NOL4: variants seen among roughly 807,000 people sequenced by gnomAD.
NOL4 encodes cancer/testis antigen 125.
In NOL4, 17 loss-of-function variants were observed where a neutral mutation model predicts 75.9. The observed-to-expected ratio is 0.22, with a 90% CI of 0.15 to 0.34. The LOEUF is 0.34. NOL4 is among the 10% of genes least tolerant of loss of function. NOL4 has a pLI of 1.00. For missense variants in NOL4, 614 were observed against 793.5 expected (o/e 0.77, Z 2.72); for synonymous variants, 292 against 289.9 (o/e 1.01, Z -0.07).
chr18:34,078,753 G>A (rs1298957664), intron 5 of NOL4, among the ~76,000 whole-genome samples: 1 of 152,076 alleles, frequency 6.6e-6, no homozygotes, highest in African/African-American at 2.4e-5. Flanking sequence ...AATGCCTCGT[G>A]ATCACTTATA....
intron 5 of NOL4, among the ~76,000 whole-genome samples, chr18:34,069,688 C>T (rs185618570): frequency 1.9e-4 from 29 of 152,158 alleles, no homozygotes; most frequent in African/African-American, 6.7e-4. Flanking sequence ...AACCCACAAT[C>T]GCAGCAACCA....
chr18:33,864,926 C>G (rs1194010309), intron 10 of NOL4, among the ~76,000 whole-genome samples: 1 of 152,108 alleles, frequency 6.6e-6, no homozygotes, highest in Non-Finnish European at 1.5e-5. Flanking sequence ...CATCGGATCT[C>G]ATGAGAACTC....
At chr18:34,186,268 T>C (rs1432909111) in intron 1 of NOL4, among the ~76,000 whole-genome samples, 3 of 152,090 alleles carry the variant, frequency 2.0e-5, no homozygotes, top group Non-Finnish European at 2.9e-5. Context: ...CTGTCCAAAA[T>C]AAGAAAGCAC....
Position 34,002,575 on chromosome 18 carries a change from C to T in NOL4, c.1056+16743G>A, listed in dbSNP as rs1463740238. On this transcript the variant is annotated intron_variant, in intron 6 of 10. Transcript: ENST00000261592. ...CAGCGTGACCCAACCAGATGAGAAC[C>T]TCTGAGAAAAAGGAACCACCTCCAT... 2.6e-5 allele frequency among the ~76,000 whole-genome samples: 4 copies of T among 152,106 alleles called. No homozygotes were observed. In the South Asian group the frequency reaches 6.2e-4, roughly 24 times the overall value.
chr18:34,032,189 G>C (rs562446686), intron 5 of NOL4, among the ~76,000 whole-genome samples: 1 of 152,282 alleles, frequency 6.6e-6, no homozygotes, highest in African/African-American at 2.4e-5. Context: ...TAAAGCTTGG[G>C]TGCAAGTGGT....
At chr18:33,862,589 C>A (rs2063205849) in intron 10 of NOL4, among the ~76,000 whole-genome samples, 1 of 152,068 alleles carries the variant, frequency 6.6e-6, no homozygotes, top group Non-Finnish European at 1.5e-5. Context: ...AAACAAAGAG[C>A]CCCATCAAAA....
chr18:33,947,097 A>T (rs2068888051), intron 8 of NOL4, among the ~76,000 whole-genome samples: 2 of 151,808 alleles, frequency 1.3e-5, no homozygotes, highest in African/African-American at 2.4e-5. Flanking sequence ...GTTTAAAAAA[A>T]TTTCTCTATA....
chr18:33,938,838 T>C (rs1164711700), intron 9 of NOL4, among the ~76,000 whole-genome samples: 1 of 152,138 alleles, frequency 6.6e-6, no homozygotes, highest in Non-Finnish European at 1.5e-5. Context: ...GTTTTAGTCA[T>C]GAAGTCTTTG....
At chr18:34,071,774 T>C (rs2077529314) in intron 5 of NOL4, among the ~76,000 whole-genome samples, 1 of 152,172 alleles carries the variant, frequency 6.6e-6, no homozygotes, top group Non-Finnish European at 1.5e-5. Flanking sequence ...AATGCATTTT[T>C]CACTTACAAT....
chr18:34,002,633 C>T (rs984162193), intron 6 of NOL4, among the ~76,000 whole-genome samples: 3 of 152,058 alleles, frequency 2.0e-5, no homozygotes, highest in Admixed American at 6.6e-5. Flanking sequence ...GGTAGCAACA[C>T]AGTACTTGGC....
intron 9 of NOL4, among the ~76,000 whole-genome samples, chr18:33,887,231 A>G (rs2144756128): frequency 6.7e-6 from 1 of 150,124 alleles, no homozygotes; most frequent in Middle Eastern, 3.6e-3. Flanking sequence ...AATAAATCAC[A>G]GAAATCCCTG....
At chr18:33,904,091 T>C (rs990682973) in intron 9 of NOL4, among the ~76,000 whole-genome samples, 1 of 152,142 alleles carries the variant, frequency 6.6e-6, no homozygotes, top group Non-Finnish European at 1.5e-5. Context: ...TTTTTGGCTC[T>C]TATGTTACTT....
intron 5 of NOL4, among the ~76,000 whole-genome samples, chr18:34,074,378 ACT>A (rs1054978319): frequency 1.2e-4 from 18 of 151,878 alleles, no homozygotes; most frequent in East Asian, 5.8e-4. Flanking sequence ...TAGAGATAAC[ACT>A]CTTCATATTG....
Position 34,223,340 on chromosome 18 carries a change from A to T in NOL4, c.-87T>A. On this transcript the variant is annotated 5_prime_UTR_variant, in exon 1 of 11. Transcript: ENST00000261592. ...GCTCATGAAAAATGCAGCCCCGGCC[A>T]CGTTGCAGGGATGCGAGGTCCCGGC... 1.3e-6 allele frequency: 2 copies of T among 1,532,688 alleles called. No individual in the cohort carries two copies. Among genetic ancestry groups the T allele is most frequent in the South Asian group, 1.2e-5 (1 of 80,068 alleles). The allele number at this position is 1,532,688 out of a possible 1,614,324, so 94.9% of individuals were successfully genotyped here.
chr18:33,981,943 T>G (rs2071995561), intron 6 of NOL4, among the ~76,000 whole-genome samples: 1 of 152,090 alleles, frequency 6.6e-6, no homozygotes, highest in African/African-American at 2.4e-5. Context: ...ATAGGGTACT[T>G]GTACTACTCA....
chr18:34,170,176 C>T (rs2032876492), intron 1 of NOL4, among the ~76,000 whole-genome samples: 1 of 141,734 alleles, frequency 7.1e-6, no homozygotes, highest in African/African-American at 2.6e-5. Flanking sequence ...TGTTTAAGAA[C>T]TATTTTTTTT....
chr18:33,913,830 G>T (rs1021565937), intron 9 of NOL4, among the ~76,000 whole-genome samples: 3 of 152,078 alleles, frequency 2.0e-5, no homozygotes, highest in African/African-American at 7.2e-5. Flanking sequence ...TGTGAAAAAA[G>T]CAGGTTCCTG....
intron 10 of NOL4, among the ~76,000 whole-genome samples, chr18:33,861,945 A>C (rs550405384): frequency 6.6e-6 from 1 of 152,330 alleles, no homozygotes; most frequent in East Asian, 1.9e-4. Context: ...GAACCAAAAA[A>C]GAGCCCACAT....
In NOL4 at chr18:34,023,477, A is replaced by G. The variant is rs548639209; in HGVS notation, c.773-3876T>C. The G allele has an allele frequency of 4.2e-5, 19 of 456,240 alleles. No individual in the cohort carries two copies. In the East Asian group the frequency reaches 9.7e-4, roughly 23 times the overall value. The allele number at this position is 456,240 out of a possible 1,614,324, so 28.3% of individuals were successfully genotyped here. ...GGTCCATCCTGAGTAGCTGCTACACAGAAGGTGCAGTATTTAGGTCTGTGG... is the reference window on the plus strand; with the variant it reads ...GGTCCATCCTGAGTAGCTGCTACACGGAAGGTGCAGTATTTAGGTCTGTGG... On this transcript the variant is annotated intron_variant, in intron 5 of 10. Coordinates refer to ENST00000261592, the MANE Select transcript of NOL4 (RefSeq NM_003787.5).
Sources: allele counts gnomAD v4.1 joint callset (sites outside exome capture counted in the v4.1 genomes callset), GRCh38; gene constraint gnomAD v4.1.1; transcripts MANE v1.5; gene names NCBI Gene and HGNC (gene_info 2026-07-23, HGNC 2026-07-21).